The following FSTL5 variants were observed in gnomAD, a reference collection of about 807,000 sequenced individuals.
FSTL5 encodes the protein follistatin-related protein 5.
A neutral mutation model predicts 89.1 loss-of-function variants in FSTL5; 62 were observed. The observed-to-expected ratio is 0.70, with a 90% CI of 0.57 to 0.86. FSTL5 has a LOEUF of 0.86. FSTL5 is among the 40% of genes least tolerant of loss of function. The pLI, the probability that FSTL5 is intolerant of heterozygous loss-of-function variation, is 0.00. For missense variants in FSTL5, 1,057 were observed against 1,001.6 expected (o/e 1.06, Z -0.75); for synonymous variants, 383 against 346.2 (o/e 1.11, Z -1.18).
chr4:161,850,369 A>T (rs1403464387), intron 4 of FSTL5, among the ~76,000 whole-genome samples: 1 of 151,646 alleles, frequency 6.6e-6, no homozygotes, highest in Non-Finnish European at 1.5e-5. Flanking sequence ...GGATTTTTAA[A>T]ACATTCAGCC....
chr4:162,140,634 A>T (rs904431227), intron 1 of FSTL5, among the ~76,000 whole-genome samples: 1 of 152,176 alleles, frequency 6.6e-6, no homozygotes, highest in Non-Finnish European at 1.5e-5. Context: ...GTTTCATAAG[A>T]TCATTCAGAC....
chr4:161,423,955 G>T (rs963100674), intron 15 of FSTL5, among the ~76,000 whole-genome samples: 20 of 151,366 alleles, frequency 1.3e-4, no homozygotes, highest in African/African-American at 4.4e-4. Flanking sequence ...TGCCTCCTGG[G>T]TTCAAGCTAT....
intron 2 of FSTL5, among the ~76,000 whole-genome samples, chr4:162,104,924 C>A (rs1257252534): frequency 1.3e-5 from 2 of 152,050 alleles, no homozygotes; most frequent in Non-Finnish European, 2.9e-5. Context: ...ACAATACTAC[C>A]CCTTGTCAAC....
At chr4:161,521,252 A>T (rs895889727) in intron 10 of FSTL5, among the ~76,000 whole-genome samples, 1 of 152,186 alleles carries the variant, frequency 6.6e-6, no homozygotes, top group African/African-American at 2.4e-5. Context: ...TGATTTGAAT[A>T]TTACAAATCA....
At chr4:161,583,085 C>T (rs1733491299) in intron 8 of FSTL5, among the ~76,000 whole-genome samples, 1 of 151,924 alleles carries the variant, frequency 6.6e-6, no homozygotes, top group Non-Finnish European at 1.5e-5. Context: ...ACCTGTAATC[C>T]CAGCTACTGG....
At chr4:161,435,192 G>A (rs1013814307) in intron 15 of FSTL5, among the ~76,000 whole-genome samples, 10 of 151,978 alleles carry the variant, frequency 6.6e-5, no homozygotes, top group Non-Finnish European at 7.4e-5. Context: ...ATCACCAGAC[G>A]AATGGATAAA....
At chr4:161,769,843 GGAAA>G (rs1344436444) in intron 5 of FSTL5, among the ~76,000 whole-genome samples, 1 of 151,534 alleles carries the variant, frequency 6.6e-6, no homozygotes, top group Non-Finnish European at 1.5e-5. Context: ...AATAAAATTT[GGAAA>G]GAAAGAAGTC....
chr4:162,158,272 T>C (rs1409823327), intron 1 of FSTL5, among the ~76,000 whole-genome samples: 2 of 152,096 alleles, frequency 1.3e-5, no homozygotes, highest in African/African-American at 2.4e-5. Context: ...TTGTTTCTTA[T>C]GCTGTTTGAG....
intron 4 of FSTL5, among the ~76,000 whole-genome samples, chr4:161,827,589 G>A (rs1229372888): frequency 1.3e-5 from 2 of 152,198 alleles, no homozygotes; most frequent in East Asian, 1.9e-4. Context: ...AGGGTTAGGC[G>A]TGTCTGAGCT....
chr4:161,885,993 TCTTTA>T (rs1214431592), intron 4 of FSTL5, among the ~76,000 whole-genome samples: 5 of 150,412 alleles, frequency 3.3e-5, no homozygotes, highest in South Asian at 2.1e-4. Context: ...ATCTTATTTT[TCTTTA>T]CTTTAATCAA....
At chr4:162,026,304 C>CCTTTTTTTTTTT (rs1737280662) in intron 3 of FSTL5, among the ~76,000 whole-genome samples, 6 of 79,474 alleles carry the variant, frequency 7.5e-5, no homozygotes, top group African/African-American at 2.9e-4. Context: ...TATGTATTTT[C>CCTTTTTTTTTTT]TTTTTTTTTT....
chr4:162,083,390 T>C lies in FSTL5; in HGVS notation c.126+27881A>G, dbSNP rs545034485. Among the ~76,000 whole-genome samples, 49 of 151,884 alleles carry C rather than the reference T, an allele frequency of 3.2e-4. 1 individual carries two copies. Among genetic ancestry groups the C allele is most frequent in the Middle Eastern group, 3.4e-3 (1 of 294 alleles). On this transcript the variant is annotated intron_variant, in intron 2 of 15. Coordinates refer to ENST00000306100, the MANE Select transcript of FSTL5 (RefSeq NM_020116.5). ...GATGAATGATATGTACATGGCTTTATTAAAGTATGAAAAAATTAGATAGTT... is the reference window on the plus strand; with the variant it reads ...GATGAATGATATGTACATGGCTTTACTAAAGTATGAAAAAATTAGATAGTT...
chr4:161,719,131 T>A (rs1390994742), intron 6 of FSTL5, among the ~76,000 whole-genome samples: 1 of 152,168 alleles, frequency 6.6e-6, no homozygotes, highest in African/African-American at 2.4e-5. Flanking sequence ...CATAAATGCA[T>A]GAGATAAGAG....
chr4:161,561,923 T>C (rs1034502316), intron 8 of FSTL5, among the ~76,000 whole-genome samples: 6 of 152,038 alleles, frequency 3.9e-5, no homozygotes, highest in Admixed American at 2.0e-4. Flanking sequence ...GCACGTGTTG[T>C]AGGTGTGGAA....
intron 4 of FSTL5, among the ~76,000 whole-genome samples, chr4:161,888,185 G>C (rs1732874836): frequency 6.6e-6 from 1 of 152,166 alleles, no homozygotes; most frequent in South Asian, 2.1e-4. Flanking sequence ...AGCCTCCCTT[G>C]AAGTTAGGTG....
At chr4:161,681,731 C>G (rs1737530588) in intron 6 of FSTL5, among the ~76,000 whole-genome samples, 1 of 151,932 alleles carries the variant, frequency 6.6e-6, no homozygotes, top group East Asian at 1.9e-4. Flanking sequence ...ATTATCTCAC[C>G]TAAATTTAAT....
chr4:161,581,079 A>G (rs983312735), intron 8 of FSTL5, among the ~76,000 whole-genome samples: 1 of 152,212 alleles, frequency 6.6e-6, no homozygotes, highest in African/African-American at 2.4e-5. Context: ...CAAAATTAAA[A>G]GAATAAAGAG....
intron 4 of FSTL5, among the ~76,000 whole-genome samples, chr4:161,783,001 T>C (rs1054227438): frequency 6.6e-6 from 1 of 152,174 alleles, no homozygotes; most frequent in African/African-American, 2.4e-5. Flanking sequence ...ACTTCCTTTC[T>C]TCATCTCCTC....
intron 1 of FSTL5, among the ~76,000 whole-genome samples, chr4:162,112,528 G>A (rs1192892809): frequency 1.3e-5 from 2 of 152,142 alleles, no homozygotes; most frequent in South Asian, 2.1e-4. Flanking sequence ...TGACAGGCAT[G>A]AGCCACTGAG....
Sources: gnomAD v4.1 joint callset for allele counts (sites outside exome capture counted in the v4.1 genomes callset) on GRCh38, gnomAD v4.1.1 for gene constraint, MANE v1.5 for transcripts, NCBI Gene and HGNC (gene_info 2026-07-23, HGNC 2026-07-21) for gene names.